GRB2: variants seen among roughly 807,000 people sequenced by gnomAD.
GRB2 encodes growth factor receptor-bound protein 2.
In GRB2, 2 loss-of-function variants were observed where a neutral mutation model predicts 27.4. The observed-to-expected ratio is 0.07, with a 90% CI of 0.03 to 0.23. GRB2 has a LOEUF of 0.23. Ranked by LOEUF, GRB2 falls within the 10% of genes least tolerant of loss-of-function variation. The pLI is 1.00. For missense variants in GRB2, 102 were observed against 282.4 expected, an observed-to-expected ratio of 0.36 and a Z score of 4.58; for synonymous variants, 94 against 99.6, an observed-to-expected ratio of 0.94 and a Z score of 0.33.
At chr17:75,350,179 G>A (rs2078680991) in intron 2 of GRB2, among the ~76,000 whole-genome samples, 1 of 145,416 alleles carries the variant, frequency 6.9e-6, no homozygotes, top group Non-Finnish European at 1.5e-5. Flanking sequence ...GATTGCACCT[G>A]TGAATAGCCA....
chr17:75,375,095 G>A (rs890927077), intron 2 of GRB2, among the ~76,000 whole-genome samples: 4 of 150,464 alleles, frequency 2.7e-5, no homozygotes, highest in African/African-American at 5.0e-5. Flanking sequence ...TTTGTAGACG[G>A]GGGGGTCTCA....
intron 3 of GRB2, among the ~76,000 whole-genome samples, chr17:75,327,077 T>G (rs2078503270): frequency 6.7e-6 from 1 of 150,012 alleles, no homozygotes; most frequent in African/African-American, 2.4e-5. Flanking sequence ...TCTTTTCTTT[T>G]TTTTTTTTTT....
intron 2 of GRB2, among the ~76,000 whole-genome samples, chr17:75,358,199 A>G (rs1441253806): frequency 6.6e-6 from 1 of 152,226 alleles, no homozygotes; most frequent in East Asian, 1.9e-4. Flanking sequence ...ACACAAGTAT[A>G]GAGGAAGAAA....
intron 2 of GRB2, among the ~76,000 whole-genome samples, chr17:75,338,086 C>G (rs1037633118): frequency 6.6e-6 from 1 of 151,752 alleles, no homozygotes; most frequent in African/African-American, 2.4e-5. Context: ...CCCGCCACCA[C>G]GCCTGGCTAA....
At chr17:75,337,126 A>G (rs997335863) in intron 2 of GRB2, among the ~76,000 whole-genome samples, 1 of 152,214 alleles carries the variant, frequency 6.6e-6, no homozygotes, top group Non-Finnish European at 1.5e-5. Context: ...CAGATAGCCC[A>G]GGTATTGCTG....
chr17:75,401,063 A>G (rs1265112430), intron 1 of GRB2, among the ~76,000 whole-genome samples: 1 of 151,910 alleles, frequency 6.6e-6, no homozygotes, highest in African/African-American at 2.4e-5. Context: ...CCCGGGTTCA[A>G]GCCATTCTCC....
Position 75,393,658 on chromosome 17 carries a change from G to T in GRB2, c.-30C>A. ...AGCGCTGCTCAGTGCTCAGCAGCCT[G>T]AAGCAGGGGGAAGGGAGTCTTCCCT... On this transcript the variant is annotated 5_prime_UTR_variant, in exon 2 of 6. Transcript: ENST00000316804. 1 of 1,574,726 alleles carries T rather than the reference G, an allele frequency of 6.4e-7. No individual in the cohort carries two copies. The highest frequency in any genetic ancestry group is 8.7e-7 in the Non-Finnish European group (1 of 1,144,384).
At chr17:75,343,189 T>C (rs914668265) in intron 2 of GRB2, among the ~76,000 whole-genome samples, 2 of 151,848 alleles carry the variant, frequency 1.3e-5, no homozygotes, top group South Asian at 2.1e-4. Flanking sequence ...GTCCTATTAA[T>C]CCCTCTCAGG....
intron 4 of GRB2, among the ~76,000 whole-genome samples, chr17:75,323,408 T>C (rs2078474089): frequency 6.6e-6 from 1 of 152,168 alleles, no homozygotes; most frequent in Non-Finnish European, 1.5e-5. Context: ...CTTCCACCCA[T>C]GCAATGCAGG....
At chr17:75,390,712 G>A (rs540258697) in intron 2 of GRB2, among the ~76,000 whole-genome samples, 10 of 152,204 alleles carry the variant, frequency 6.6e-5, no homozygotes, top group Admixed American at 2.6e-4. Flanking sequence ...TGCTGGAGGA[G>A]AGGAGTCACC....
At chr17:75,324,698 G>A (rs1457126987) in intron 4 of GRB2, among the ~76,000 whole-genome samples, 1 of 151,612 alleles carries the variant, frequency 6.6e-6, no homozygotes, top group Non-Finnish European at 1.5e-5. Flanking sequence ...TCTATTTTTA[G>A]CAGAAACAGG....
chr17:75,329,574 G>C (rs1473527380), intron 3 of GRB2, among the ~76,000 whole-genome samples: 1 of 152,172 alleles, frequency 6.6e-6, no homozygotes, highest in Non-Finnish European at 1.5e-5. Context: ...CCACAACTCT[G>C]TTATAAGCAC....
Position 75,320,422 on chromosome 17 carries a change from C to T in GRB2, c.600G>A (p.Gly200=). The T allele has an allele frequency of 1.2e-6, 2 of 1,614,122 alleles. No individual in the cohort carries two copies. The highest frequency in any genetic ancestry group is 1.7e-6 in the Non-Finnish European group (2 of 1,179,980). The part of the protein sequence containing the change: ...DPNWWKGACH[G]QTGMFPRNYV... Reference sequence around the variant, plus strand: ...AATTGCGGGGAAACATGCCGGTCTGCCCGTGGCAAGCTCCTTTCCACCAGT... The same window carrying T: ...AATTGCGGGGAAACATGCCGGTCTGTCCGTGGCAAGCTCCTTTCCACCAGT... The change falls in exon 6 of 6, where the codon GGG becomes GGA. Residue 200 remains glycine (G), a synonymous_variant. Transcript: ENST00000316804. The surrounding 1 kb of genome is among the most constrained non-coding windows in gnomAD (Gnocchi z 4.3).
intron 4 of GRB2, among the ~76,000 whole-genome samples, chr17:75,325,062 G>C (rs949225039): frequency 1.2e-4 from 18 of 152,084 alleles, no homozygotes; most frequent in African/African-American, 3.9e-4. Flanking sequence ...GGGACAGAGC[G>C]AGACTCTGTC....
chr17:75,376,852 A>C (rs1295604492), intron 2 of GRB2, among the ~76,000 whole-genome samples: 1 of 151,940 alleles, frequency 6.6e-6, no homozygotes, highest in African/African-American at 2.4e-5. Flanking sequence ...ACAAAACAAA[A>C]CAAACAAACA....
chr17:75,343,648 G>A (rs985750197), intron 2 of GRB2, among the ~76,000 whole-genome samples: 1 of 151,792 alleles, frequency 6.6e-6, no homozygotes, highest in African/African-American at 2.4e-5. Flanking sequence ...ACTCCACCCA[G>A]ATAAATCTGG....
chr17:75,343,742 G>C (rs1394679891), intron 2 of GRB2, among the ~76,000 whole-genome samples: 1 of 152,104 alleles, frequency 6.6e-6, no homozygotes, highest in Non-Finnish European at 1.5e-5. Flanking sequence ...CAAAATAACT[G>C]TCTTGCGTTT....
At chr17:75,381,004 AAC>A (rs1200160253) in intron 2 of GRB2, among the ~76,000 whole-genome samples, 1 of 152,216 alleles carries the variant, frequency 6.6e-6, no homozygotes, top group Non-Finnish European at 1.5e-5. Context: ...TTAAGTAGGT[AAC>A]CATTTGTTCA....
intron 4 of GRB2, among the ~76,000 whole-genome samples, chr17:75,323,564 A>T (rs2078475091): frequency 6.6e-6 from 1 of 152,162 alleles, no homozygotes; most frequent in South Asian, 2.1e-4. Context: ...GAGTCATGAC[A>T]CCTGCTTTGC....
Sources: allele counts gnomAD v4.1 joint callset (sites outside exome capture counted in the v4.1 genomes callset), GRCh38; gene constraint gnomAD v4.1.1; non-coding constraint Gnocchi (gnomAD v3.1); transcripts MANE v1.5; gene names NCBI Gene and HGNC (gene_info 2026-07-23, HGNC 2026-07-21).